The following ADCY2 variants were observed in gnomAD, a reference collection of about 807,000 sequenced individuals.
ADCY2 encodes adenylate cyclase 2, also known as adenylate cyclase type 2.
ADCY2 carries 31 observed loss-of-function variants against 125.2 expected under a neutral mutation model. That is an observed-to-expected ratio of 0.25 (90% CI 0.19 to 0.33). ADCY2 has a LOEUF of 0.33. ADCY2 is among the 10% of genes least tolerant of loss of function. The pLI, the probability that ADCY2 is intolerant of heterozygous loss-of-function variation, is 1.00. For missense variants in ADCY2, 904 were observed against 1,418.2 expected, an observed-to-expected ratio of 0.64 and a Z score of 5.82; for synonymous variants, 512 against 548.4, an observed-to-expected ratio of 0.93 and a Z score of 0.93.
At position 7,766,680 on chromosome 5, in the gene ADCY2, T is replaced by C; in HGVS notation, c.2095-7T>C. On this transcript the variant is annotated splice_polypyrimidine_tract_variant and splice_region_variant and intron_variant, in intron 16 of 24. Transcript: ENST00000338316. ...TTAATTCATTGAAAAAAACCTTCTC[T>C]TTGCAGTTTTTCCTGAGTGACTCAG... The C allele has an allele frequency of 6.2e-7, 1 of 1,609,904 alleles. No individual in the cohort carries two copies. Among genetic ancestry groups the C allele is most frequent in the African/African-American group, 1.3e-5 (1 of 74,790 alleles).
At chr5:7,448,004 T>C (rs976676524) in intron 2 of ADCY2, among the ~76,000 whole-genome samples, 1 of 151,928 alleles carries the variant, frequency 6.6e-6, no homozygotes, top group Non-Finnish European at 1.5e-5. Flanking sequence ...GACCAGAGGG[T>C]GTCCCTTGAA....
chr5:7,658,409 G>GTC (rs1739413154), intron 4 of ADCY2, among the ~76,000 whole-genome samples: 2 of 139,634 alleles, frequency 1.4e-5, no homozygotes, highest in East Asian at 2.6e-4. Flanking sequence ...TTGTGTGTGT[G>GTC]TGTGTGTGTG....
intron 3 of ADCY2, among the ~76,000 whole-genome samples, chr5:7,580,006 C>T (rs895221368): frequency 1.3e-4 from 20 of 152,132 alleles, no homozygotes; most frequent in Non-Finnish European, 1.6e-4. Context: ...AGTGAATCGA[C>T]ATAGAAGCAG....
chr5:7,587,495 C>A (rs543079474), intron 3 of ADCY2, among the ~76,000 whole-genome samples: 17 of 152,220 alleles, frequency 1.1e-4, no homozygotes, highest in Non-Finnish European at 2.1e-4. Flanking sequence ...AAAATTAAAA[C>A]AGTCTTCGTT....
intron 3 of ADCY2, among the ~76,000 whole-genome samples, chr5:7,558,716 G>A (rs1735614308): frequency 6.6e-6 from 1 of 152,112 alleles, no homozygotes; most frequent in South Asian, 2.1e-4. Context: ...TTTTGCTTCT[G>A]TTGTGATTGC....
intron 22 of ADCY2, among the ~76,000 whole-genome samples, chr5:7,813,057 C>T (rs894344555): frequency 1.3e-5 from 2 of 152,204 alleles, no homozygotes; most frequent in African/African-American, 2.4e-5. Context: ...CTGATGCAGG[C>T]AATATTCCAT....
At chr5:7,636,682 C>T (rs1230966862) in intron 4 of ADCY2, among the ~76,000 whole-genome samples, 1 of 152,104 alleles carries the variant, frequency 6.6e-6, no homozygotes, top group Non-Finnish European at 1.5e-5. Context: ...AGGGGAAAAG[C>T]CAGAGAGAAT....
At chr5:7,442,137 C>T (rs184447588) in intron 2 of ADCY2, among the ~76,000 whole-genome samples, 1 of 152,248 alleles carries the variant, frequency 6.6e-6, no homozygotes, top group East Asian at 1.9e-4. Flanking sequence ...GTCTCAAAAA[C>T]GTCTGTTGTT....
chr5:7,477,924 A>T (rs186452803), intron 2 of ADCY2, among the ~76,000 whole-genome samples: 1 of 152,186 alleles, frequency 6.6e-6, no homozygotes, highest in African/African-American at 2.4e-5. Context: ...CTTTTTGTGA[A>T]TGGACACAGC....
At chr5:7,643,784 G>A (rs1738794288) in intron 4 of ADCY2, among the ~76,000 whole-genome samples, 1 of 150,390 alleles carries the variant, frequency 6.6e-6, no homozygotes, top group African/African-American at 2.4e-5. Context: ...ACTTAGTGTT[G>A]TTTCCTAGTC....
intron 17 of ADCY2, among the ~76,000 whole-genome samples, chr5:7,772,028 C>T (rs188430627): frequency 1.6e-4 from 24 of 152,266 alleles, no homozygotes; most frequent in Non-Finnish European, 3.1e-4. Flanking sequence ...TCCCTCCTGG[C>T]GTGCAGGACT....
chr5:7,631,475 C>A (rs79605032), intron 4 of ADCY2, among the ~76,000 whole-genome samples: 1,730 of 152,266 alleles, frequency 0.011, 37 homozygotes, highest in African/African-American at 0.037. Context: ...GCCCTTCTGT[C>A]TTTCAAGTTG....
At chr5:7,475,605 C>T (rs1490803113) in intron 2 of ADCY2, among the ~76,000 whole-genome samples, 4 of 152,140 alleles carry the variant, frequency 2.6e-5, no homozygotes, top group Non-Finnish European at 1.5e-5. Context: ...TGTTCTCGAA[C>T]CCCTGACTTC....
intron 18 of ADCY2, among the ~76,000 whole-genome samples, chr5:7,779,064 A>G (rs112615644): frequency 0.012 from 1,790 of 152,306 alleles, 39 homozygotes; most frequent in African/African-American, 0.041. Flanking sequence ...ATGCCATTTC[A>G]GAAAGTGAGG....
intron 2 of ADCY2, among the ~76,000 whole-genome samples, chr5:7,476,779 T>C (rs1212353377): frequency 1.3e-5 from 2 of 152,248 alleles, no homozygotes; most frequent in African/African-American, 4.8e-5. Flanking sequence ...AAAGTTCCAC[T>C]GCTCACATTA....
Position 7,829,161 on chromosome 5 carries a change from A to G in ADCY2, c.*2290A>G, listed in dbSNP as rs1403063055. On this transcript the variant is annotated 3_prime_UTR_variant, in exon 25 of 25. Transcript: ENST00000338316. ...TCCCCTGTGAACTTATCAAAAATGC[A>G]AATTCTCAGGCCCCAACCTGAAGGA... 1 of 152,402 alleles carries G rather than the reference A, an allele frequency of 6.6e-6. No individual in the cohort carries two copies. The highest frequency in any genetic ancestry group is 1.5e-5 in the Non-Finnish European group (1 of 68,060). 9.4% of individuals were successfully genotyped at this position (152,402 alleles called of 1,614,324 possible). A position where few individuals can be genotyped will look rare whatever the true frequency, so the allele number is the denominator to read the frequency against.
chr5:7,513,431 G>A (rs776285191), intron 2 of ADCY2, among the ~76,000 whole-genome samples: 11 of 152,018 alleles, frequency 7.2e-5, no homozygotes, highest in Non-Finnish European at 1.5e-4. Flanking sequence ...TTTTGTTATC[G>A]AAAATGTTAA....
At chr5:7,673,727 T>G (rs1458311489) in intron 4 of ADCY2, among the ~76,000 whole-genome samples, 2 of 152,022 alleles carry the variant, frequency 1.3e-5, no homozygotes, top group African/African-American at 4.8e-5. Context: ...GGAAAGCCAA[T>G]AGGCAAGAGG....
intron 2 of ADCY2, among the ~76,000 whole-genome samples, chr5:7,423,450 G>C (rs1267796321): frequency 6.6e-6 from 1 of 152,146 alleles, no homozygotes; most frequent in Non-Finnish European, 1.5e-5. Context: ...GTGGATCTTT[G>C]CCATGTTGTT....
Sources: allele counts gnomAD v4.1 joint callset (sites outside exome capture counted in the v4.1 genomes callset), GRCh38; gene constraint gnomAD v4.1.1; transcripts MANE v1.5; gene names NCBI Gene and HGNC (gene_info 2026-07-23, HGNC 2026-07-21).